The following WDR11 variants were observed in gnomAD, a reference collection of about 807,000 sequenced individuals.
The protein encoded by WDR11 is WD repeat domain 11.
Under a neutral mutation model 151.2 loss-of-function variants are expected in WDR11, and 83 were observed. The observed-to-expected ratio is 0.55, with a 90% CI of 0.46 to 0.66. The LOEUF is 0.66. WDR11 is among the 30% of genes least tolerant of loss of function. WDR11 has a pLI of 0.00. For synonymous variants in WDR11, 484 were observed against 533.1 expected (o/e 0.91, Z 1.27); for missense variants, 1,301 against 1,480.9 (o/e 0.88, Z 1.99).
At chr10:120,908,267 GTGTAGGTTA>G (rs928575014) in intron 28 of WDR11, 1 of 180,136 alleles carries the variant, frequency 5.6e-6, no homozygotes, top group Non-Finnish European at 9.9e-6. Flanking sequence ...CTTCAGTTGA[GTGTAGGTTA>G]TGGGAGGATG....
intron 1 of WDR11, 98 bp from the exon 2 acceptor site, chr10:120,852,426 G>T (rs2133718255): frequency 1.1e-6 from 1 of 930,852 alleles, no homozygotes; most frequent in Non-Finnish European, 1.7e-6. Flanking sequence ...ATTAATGGTG[G>T]TACATATGAA....
intron 13 of WDR11, 37 bp from the exon 14 acceptor site, chr10:120,883,743 C>G: frequency 1.3e-6 from 2 of 1,599,508 alleles, no homozygotes; most frequent in Non-Finnish European, 1.7e-6. Flanking sequence ...GAAATTTTTG[C>G]AAAAAGGGGC....
In WDR11 at chr10:120,851,424, T is replaced by C. The variant is rs752637783; in HGVS notation, c.4T>C (p.Leu2=). The part of the protein sequence containing the change: M[L]PYTVNFKVSA... Reference sequence around the variant, plus strand: ...AGGTCCTGGGCTGGCCGCCGGGATGTTGCCCTACACAGTGAACTTCAAGGT... The same window carrying C: ...AGGTCCTGGGCTGGCCGCCGGGATGCTGCCCTACACAGTGAACTTCAAGGT... The change falls in exon 1 of 29, where the codon TTG becomes CTG. Residue 2 remains leucine, a synonymous_variant. Transcript: ENST00000263461. 2 of 1,610,782 alleles carry C rather than the reference T, an allele frequency of 1.2e-6. No homozygotes were observed. The highest frequency in any genetic ancestry group is 1.3e-5 in the African/African-American group (1 of 75,046).
chr10:120,893,002 GTT>G (rs540832008), intron 19 of WDR11, among the ~76,000 whole-genome samples: 1 of 142,702 alleles, frequency 7.0e-6, no homozygotes, highest in Admixed American at 7.0e-5. Context: ...CCTCCCCAGT[GTT>G]TTTTTTTTTT....
intron 19 of WDR11, among the ~76,000 whole-genome samples, chr10:120,891,539 A>G (rs1433239381): frequency 6.6e-6 from 1 of 152,114 alleles, no homozygotes; most frequent in African/African-American, 2.4e-5. Context: ...CTGATGCAAT[A>G]CAGTGTTCAT....
At chr10:120,865,258 T>G (rs1257635723) in intron 6 of WDR11, 46 bp downstream of exon 6, 2 of 1,584,282 alleles carry the variant, frequency 1.3e-6, no homozygotes, top group Non-Finnish European at 8.7e-7. Context: ...ATTAAGAATG[T>G]TATATTAAAA....
At chr10:120,872,154 A>C (rs1846569054) in intron 10 of WDR11, among the ~76,000 whole-genome samples, 1 of 152,146 alleles carries the variant, frequency 6.6e-6, no homozygotes, top group African/African-American at 2.4e-5. Context: ...AACATGGCTG[A>C]CTTCTCAGTG....
intron 13 of WDR11, 80 bp from the exon 14 acceptor site, chr10:120,883,700 T>C (rs1847110640): frequency 1.7e-6 from 2 of 1,209,828 alleles, no homozygotes; most frequent in Admixed American, 3.5e-5. Flanking sequence ...GTTTTTCAAT[T>C]TACTGAACTT....
chr10:120,869,172 G>A (rs1408505043), intron 9 of WDR11, among the ~76,000 whole-genome samples: 4 of 143,410 alleles, frequency 2.8e-5, no homozygotes, highest in Admixed American at 7.2e-5. Flanking sequence ...ATGCAGTGGC[G>A]CGATCTCGGC....
chr10:120,853,966 G>A lies in WDR11; in HGVS notation c.198+1331G>A, dbSNP rs141862538. 7.9e-5 allele frequency among the ~76,000 whole-genome samples: 12 copies of A among 152,186 alleles called. No individual in the cohort carries two copies. In the East Asian group the frequency reaches 2.1e-3, roughly 27 times the overall value. On this transcript the variant is annotated intron_variant, in intron 2 of 28. Transcript: ENST00000263461. ...GTAATATATTGCATTATAGTGATCC[G>A]GGCTTTAGGAGATAGGTCAGGATTA... is the stretch of plus-strand genomic sequence containing the variant.
intron 11 of WDR11, 26 bp from the exon 12 acceptor site, chr10:120,878,327 A>T: frequency 6.6e-7 from 1 of 1,526,082 alleles, no homozygotes; most frequent in Non-Finnish European, 9.1e-7. Flanking sequence ...GAATTAGTTT[A>T]ACCTTTATCT....
At chr10:120,899,087 G>T (rs1847716561) in intron 19 of WDR11, among the ~76,000 whole-genome samples, 1 of 152,146 alleles carries the variant, frequency 6.6e-6, no homozygotes, top group Non-Finnish European at 1.5e-5. Context: ...CAGAGCTGCT[G>T]GGCATTGCAG....
chr10:120,876,192 C>T (rs1444519397), intron 11 of WDR11, among the ~76,000 whole-genome samples: 1 of 151,866 alleles, frequency 6.6e-6, no homozygotes, highest in African/African-American at 2.4e-5. Context: ...GTTGGTCAGG[C>T]CGGTCTTGAA....
chr10:120,869,754 G>A (rs1846463123), intron 9 of WDR11, among the ~76,000 whole-genome samples: 1 of 151,950 alleles, frequency 6.6e-6, no homozygotes. Flanking sequence ...GCACTTACAT[G>A]TTAAGCTTCC....
intron 11 of WDR11, among the ~76,000 whole-genome samples, chr10:120,875,978 CTTTTTTT>C (rs67775105): frequency 7.3e-5 from 9 of 122,812 alleles, no homozygotes; most frequent in Non-Finnish European, 1.2e-4. Flanking sequence ...CCTTTTTTTT[CTTTTTTT>C]TTTTTTTTTT....
chr10:120,866,547 T>C, intron 7 of WDR11, 22 bp from the exon 8 acceptor site: 1 of 1,614,042 alleles, frequency 6.2e-7, no homozygotes, highest in Middle Eastern at 1.7e-4. Flanking sequence ...CTTTCTGATA[T>C]TTAAAACAAT....
At position 120,874,175 on chromosome 10, in the gene WDR11, A is replaced by AG. The variant is rs1201394236; in HGVS notation, c.1556+253dup. Among the ~76,000 whole-genome samples the AG allele has an allele frequency of 2.4e-3, 89 of 36,754 alleles. 2 individuals are homozygous for AG. Among genetic ancestry groups the AG allele is most frequent in the African/African-American group, 6.2e-3 (53 of 8,484 alleles). 24.1% of individuals were successfully genotyped at this position (36,754 alleles called of 152,430 possible). A position where few individuals can be genotyped will look rare whatever the true frequency, so the allele number is the denominator to read the frequency against. On this transcript the variant is annotated intron_variant, in intron 11 of 28. Coordinates refer to ENST00000263461, the MANE Select transcript of WDR11 (RefSeq NM_018117.12). Reference sequence around the variant, plus strand: ...GTGCAAAAGTAATTGCGGTTTTTGCAGTTTTTTTTTTTTTTTTGTTGTTGT... The same window carrying AG: ...GTGCAAAAGTAATTGCGGTTTTTGCAGGTTTTTTTTTTTTTTTTGTTGTTGT...
At position 120,890,645 on chromosome 10, in the gene WDR11, G is replaced by C. The variant is rs758928283; in HGVS notation, c.2344-71G>C. 76 of 1,589,306 alleles carry C rather than the reference G, an allele frequency of 4.8e-5. 1 individual carries two copies. The highest frequency in any genetic ancestry group is 6.5e-5 in the Non-Finnish European group (75 of 1,158,066). On this transcript the variant is annotated intron_variant, in intron 18 of 28. Transcript: ENST00000263461. ...GCCTTTGCCACAGACTGTCTTCCTT[G>C]ACCATTTAATCTAGAATAATAAAGA...
At chr10:120,857,198 A>G (rs1191584798) in intron 2 of WDR11, among the ~76,000 whole-genome samples, 1 of 152,218 alleles carries the variant, frequency 6.6e-6, no homozygotes, top group Non-Finnish European at 1.5e-5. Context: ...AAGGAACAAA[A>G]ATGTGAAAAA....
Sources: allele counts gnomAD v4.1 joint callset (sites outside exome capture counted in the v4.1 genomes callset), GRCh38; gene constraint gnomAD v4.1.1; transcripts MANE v1.5; gene names NCBI Gene and HGNC (gene_info 2026-07-23, HGNC 2026-07-21).